Variants in QKI observed in about 807,000 individuals in gnomAD.
QKI encodes the protein QKI, KH domain containing RNA binding, also known as KH domain-containing RNA-binding protein QKI.
QKI carries 10 observed loss-of-function variants against 39.0 expected under a neutral mutation model. That is an observed-to-expected ratio of 0.26 (90% CI 0.16 to 0.43). The LOEUF is 0.43. QKI is among the 20% of genes least tolerant of loss of function. QKI has a pLI of 1.00. For missense variants in QKI, 218 were observed against 428.0 expected (o/e 0.51, Z 4.33); for synonymous variants, 204 against 155.4 (o/e 1.31, Z -2.33).
intron 3 of QKI, among the ~76,000 whole-genome samples, chr6:163,504,872 T>C (rs1038794865): frequency 1.3e-5 from 2 of 152,176 alleles, no homozygotes; most frequent in African/African-American, 2.4e-5. Context: ...TGGGACTTGC[T>C]CCTCTTCTTT....
chr6:163,455,329 A>G lies in QKI; in HGVS notation c.193A>G (p.Thr65Ala), dbSNP rs201147887. Reference sequence around the variant, plus strand: ...GTACAATGACACATTAAATGGCAGTACAGAGAAAAGGAGTGCAGAATTGCC... The same window carrying G: ...GTACAATGACACATTAAATGGCAGTGCAGAGAAAAGGAGTGCAGAATTGCC... ...DMYNDTLNGS[T>A]EKRSAELPDA... Residue 65 changes from threonine (T) to alanine (A), a missense_variant, in exon 2 of 8, where the codon ACA (threonine) becomes GCA (alanine). This residue lies in a region of QKI where 61 missense variants were observed against 193.3 expected (regional missense o/e 0.32). Transcript: ENST00000361752. The G allele has an allele frequency of 1.2e-6, 2 of 1,613,552 alleles. No homozygotes were observed. The highest frequency in any genetic ancestry group is 1.7e-6 in the Non-Finnish European group (2 of 1,179,516).
At chr6:163,538,337 G>A (rs1184702512) in intron 4 of QKI, among the ~76,000 whole-genome samples, 1 of 152,170 alleles carries the variant, frequency 6.6e-6, no homozygotes, top group African/African-American at 2.4e-5. Flanking sequence ...AGCAGAATAA[G>A]GGAATAGAGA....
intron 2 of QKI, among the ~76,000 whole-genome samples, chr6:163,460,863 A>T (rs1258931652): frequency 6.6e-6 from 1 of 151,770 alleles, no homozygotes; most frequent in East Asian, 1.9e-4. Context: ...TTTTGCCTGA[A>T]TATGATCATA....
chr6:163,460,688 T>G (rs143038126), intron 2 of QKI, among the ~76,000 whole-genome samples: 11 of 152,328 alleles, frequency 7.2e-5, no homozygotes, highest in African/African-American at 2.2e-4. Context: ...TTAAAGTCTT[T>G]GTTCCTTTGA....
At chr6:163,448,222 G>T (rs1296223448) in intron 1 of QKI, among the ~76,000 whole-genome samples, 2 of 152,026 alleles carry the variant, frequency 1.3e-5, no homozygotes, top group African/African-American at 4.8e-5. Flanking sequence ...ACAAAGAGGA[G>T]TTATGATTAA....
In QKI at chr6:163,547,904, G is replaced by A. The variant is rs1360527550; in HGVS notation, c.546+12779G>A. ...ACACTCCTTGTTGTAGGTTTTCAGT[G>A]ACTTTCTATCACCCCATGGTAAAAA... is the stretch of plus-strand genomic sequence containing the variant. On this transcript the variant is annotated intron_variant, in intron 4 of 7. Transcript: ENST00000361752. Among the ~76,000 whole-genome samples, 3 of 152,044 alleles carry A rather than the reference G, an allele frequency of 2.0e-5. No homozygotes were observed. The East Asian group carries it at 5.8e-4, about 29-fold the overall frequency.
At chr6:163,480,569 T>A (rs985352525) in intron 3 of QKI, among the ~76,000 whole-genome samples, 1 of 152,182 alleles carries the variant, frequency 6.6e-6, no homozygotes, top group African/African-American at 2.4e-5. Context: ...AAAAATCTTA[T>A]TATAATGTAT....
chr6:163,452,201 G>A (rs1468236690), intron 1 of QKI, among the ~76,000 whole-genome samples: 1 of 152,166 alleles, frequency 6.6e-6, no homozygotes, highest in East Asian at 1.9e-4. Context: ...ACACCAGAAT[G>A]CTGATGATTT....
At chr6:163,554,183 G>T (rs1318882557) in intron 4 of QKI, among the ~76,000 whole-genome samples, 2 of 152,200 alleles carry the variant, frequency 1.3e-5, no homozygotes, top group Non-Finnish European at 2.9e-5. Flanking sequence ...GCTGCACGAT[G>T]AGACTGGTTC....
At chr6:163,430,214 T>G (rs1788716903) in intron 1 of QKI, among the ~76,000 whole-genome samples, 1 of 152,138 alleles carries the variant, frequency 6.6e-6, no homozygotes, top group African/African-American at 2.4e-5. Context: ...CATATTTCTG[T>G]TTTTAGTCCA....
chr6:163,459,561 A>G (rs1010749924), intron 2 of QKI, among the ~76,000 whole-genome samples: 2 of 152,182 alleles, frequency 1.3e-5, no homozygotes, highest in African/African-American at 4.8e-5. Flanking sequence ...ACTGAAATAA[A>G]TATTTGCCGA....
At chr6:163,565,877 G>A in intron 6 of QKI, 1 of 1,602,600 alleles carries the variant, frequency 6.2e-7, no homozygotes, top group Non-Finnish European at 8.5e-7. Context: ...TGGTAGTAGT[G>A]AGGAGATTGG....
chr6:163,462,484 G>GAA (rs762476087), intron 2 of QKI, among the ~76,000 whole-genome samples: 2 of 152,084 alleles, frequency 1.3e-5, no homozygotes, highest in Non-Finnish European at 2.9e-5. Context: ...GATTGACTTT[G>GAA]AAAACTTCTA....
At chr6:163,416,087 G>T (rs537122902) in intron 1 of QKI, among the ~76,000 whole-genome samples, 12 of 148,954 alleles carry the variant, frequency 8.1e-5, no homozygotes, top group African/African-American at 3.0e-4. Flanking sequence ...GAAATAACGC[G>T]ATGACAGATC....
chr6:163,492,819 T>C (rs1427306768), intron 3 of QKI, among the ~76,000 whole-genome samples: 1 of 152,184 alleles, frequency 6.6e-6, no homozygotes, highest in Non-Finnish European at 1.5e-5. Flanking sequence ...TGTGTAATAT[T>C]ATCAAGTGTT....
rs74323878 is a variant in QKI, at chr6:163,504,270, A to G, written c.402+25374A>G. 3.3e-3 allele frequency among the ~76,000 whole-genome samples: 498 copies of G among 152,148 alleles called. 4 individuals carry two copies. The highest frequency in any genetic ancestry group is 0.011 in the African/African-American group (468 of 41,510). ...GTTTTGGTTACTGTAGCCTTGTATTATAGTTTGAAGTTGGGTAATGTGATA... is the reference window on the plus strand; with the variant it reads ...GTTTTGGTTACTGTAGCCTTGTATTGTAGTTTGAAGTTGGGTAATGTGATA... On this transcript the variant is annotated intron_variant, in intron 3 of 7. Transcript: ENST00000361752.
chr6:163,473,226 C>G (rs986385264), intron 2 of QKI, among the ~76,000 whole-genome samples: 16 of 152,162 alleles, frequency 1.1e-4, no homozygotes, highest in Non-Finnish European at 2.4e-4. Context: ...CACTGTCTTT[C>G]ATTCCCCAAC....
At chr6:163,448,525 C>G (rs908662971) in intron 1 of QKI, among the ~76,000 whole-genome samples, 2 of 151,414 alleles carry the variant, frequency 1.3e-5, no homozygotes, top group South Asian at 2.1e-4. Flanking sequence ...GTCAGGAGTT[C>G]GAGACCAGCC....
In QKI at chr6:163,476,277, GT is replaced by G. The variant is rs778589025; in HGVS notation, c.286-2486del. Among the ~76,000 whole-genome samples the G allele has an allele frequency of 2.1e-3, 282 of 136,576 alleles. 1 individual carries two copies. Among genetic ancestry groups the G allele is most frequent in the Middle Eastern group, 3.9e-3 (1 of 258 alleles). 89.6% of individuals were successfully genotyped at this position (136,576 alleles called of 152,430 possible). ...AAATAATTTAACACTATGTACTAAA[GT>G]TTTTTTTTTTTTTTTTAAATCATCT... On this transcript the variant is annotated intron_variant, in intron 2 of 7. Coordinates refer to ENST00000361752, the MANE Select transcript of QKI (RefSeq NM_006775.3).
Sources: allele counts gnomAD v4.1 joint callset (sites outside exome capture counted in the v4.1 genomes callset), GRCh38; gene constraint gnomAD v4.1.1; regional missense constraint gnomAD v4.1.1; transcripts MANE v1.5; gene names NCBI Gene and HGNC (gene_info 2026-07-23, HGNC 2026-07-21).